The following SNX29 variants were observed in gnomAD, a reference collection of about 807,000 sequenced individuals.
SNX29 encodes the protein sorting nexin 29, also known as sorting nexin-29.
Under a neutral mutation model 102.1 loss-of-function variants are expected in SNX29, and 78 were observed. The observed-to-expected ratio is 0.76, with a 90% CI of 0.64 to 0.92. The LOEUF is 0.92. SNX29 is among the 40% of genes least tolerant of loss of function. The pLI is 0.00. For synonymous variants in SNX29, 580 were observed against 414.5 expected, an observed-to-expected ratio of 1.40 and a Z score of -4.85; for missense variants, 1,280 against 1,061.7, an observed-to-expected ratio of 1.21 and a Z score of -2.86.
At chr16:12,518,854 C>T (rs540639087) in intron 19 of SNX29, among the ~76,000 whole-genome samples, 36 of 152,138 alleles carry the variant, frequency 2.4e-4, no homozygotes, top group African/African-American at 6.0e-4. Context: ...CCCACAGAGC[C>T]GGTAAATGGT....
At chr16:12,425,370 C>T (rs1250535678) in intron 18 of SNX29, among the ~76,000 whole-genome samples, 1 of 151,632 alleles carries the variant, frequency 6.6e-6, no homozygotes, top group African/African-American at 2.4e-5. Context: ...GATCAGAGTG[C>T]CCCTGAGGCC....
intron 11 of SNX29, among the ~76,000 whole-genome samples, chr16:12,106,730 C>T (rs2053267787): frequency 6.6e-6 from 1 of 151,862 alleles, no homozygotes; most frequent in Admixed American, 6.6e-5. Context: ...ATTCTCCTGC[C>T]TTGGCCTCTG....
At chr16:12,138,879 G>A (rs2054760893) in intron 13 of SNX29, among the ~76,000 whole-genome samples, 1 of 151,936 alleles carries the variant, frequency 6.6e-6, no homozygotes, top group South Asian at 2.1e-4. Context: ...AGTTTGAGTG[G>A]GGCTTTCTGT....
At chr16:12,426,209 A>T (rs2085073221) in intron 18 of SNX29, among the ~76,000 whole-genome samples, 1 of 152,106 alleles carries the variant, frequency 6.6e-6, no homozygotes, top group South Asian at 2.1e-4. Flanking sequence ...TAAGTTTATT[A>T]TTCATCTGTT....
chr16:11,995,670 C>A (rs746930590), intron 1 of SNX29, among the ~76,000 whole-genome samples: 1 of 147,492 alleles, frequency 6.8e-6, no homozygotes, highest in African/African-American at 2.5e-5. Flanking sequence ...AAAAAGACAT[C>A]GAGGATCATT....
intron 9 of SNX29, among the ~76,000 whole-genome samples, chr16:12,063,853 C>T (rs535306948): frequency 6.6e-6 from 1 of 152,030 alleles, no homozygotes; most frequent in African/African-American, 2.4e-5. Context: ...CCACCGAAGT[C>T]CTGCATTTCT....
chr16:12,108,753 C>G (rs1417866924), intron 11 of SNX29, among the ~76,000 whole-genome samples: 2 of 152,168 alleles, frequency 1.3e-5, no homozygotes, highest in Non-Finnish European at 2.9e-5. Context: ...CCTGAAGCCT[C>G]TGCTCCATCC....
chr16:12,514,725 C>CGTG (rs1235508057), intron 19 of SNX29, among the ~76,000 whole-genome samples: 4 of 151,976 alleles, frequency 2.6e-5, no homozygotes, highest in Non-Finnish European at 5.9e-5. Flanking sequence ...ATTAGCTGGG[C>CGTG]GTGGTGGCAT....
At chr16:12,121,248 T>A (rs2053959598) in intron 11 of SNX29, among the ~76,000 whole-genome samples, 1 of 152,158 alleles carries the variant, frequency 6.6e-6, no homozygotes, top group Non-Finnish European at 1.5e-5. Flanking sequence ...GAGGTGCATA[T>A]GAAGAGCAAT....
intron 11 of SNX29, among the ~76,000 whole-genome samples, chr16:12,108,357 G>A (rs867730745): frequency 2.0e-5 from 3 of 152,202 alleles, no homozygotes; most frequent in Admixed American, 6.5e-5. Context: ...ACTCCATGAT[G>A]GTGAGTGGCT....
In SNX29 at chr16:12,524,764, C is replaced by G; in HGVS notation, c.2241C>G (p.Asn747Lys). The change falls in exon 20 of 21, where the codon AAC becomes AAG. Residue 747 changes from asparagine to lysine, a missense_variant. Asn to Lys is a moderately conservative substitution (Grantham distance 94, BLOSUM62 0). Transcript: ENST00000566228. ...AGAATTACCTGCGCAGCGTCATGAACAAAGTCATCCAGATGGTCCCCGAGT... is the reference window on the plus strand; with the variant it reads ...AGAATTACCTGCGCAGCGTCATGAAGAAAGTCATCCAGATGGTCCCCGAGT... ...QLQNYLRSVM[N>K]KVIQMVPEFA... 1.2e-6 allele frequency: 2 copies of G among 1,613,796 alleles called. No homozygotes were observed. Among genetic ancestry groups the G allele is most frequent in the African/African-American group, 1.3e-5 (1 of 74,960 alleles).
intron 14 of SNX29, among the ~76,000 whole-genome samples, chr16:12,262,594 G>A (rs1456966773): frequency 1.3e-5 from 2 of 152,198 alleles, no homozygotes; most frequent in Non-Finnish European, 2.9e-5. Flanking sequence ...CAGGCCTGTC[G>A]CGGAGTAAGA....
At chr16:12,275,536 G>A (rs1286349864) in intron 14 of SNX29, among the ~76,000 whole-genome samples, 1 of 152,116 alleles carries the variant, frequency 6.6e-6, no homozygotes, top group Non-Finnish European at 1.5e-5. Context: ...CAGTTCATTA[G>A]CGTTTTATGA....
At chr16:12,328,659 G>A (rs373995953) in intron 15 of SNX29, among the ~76,000 whole-genome samples, 6 of 152,138 alleles carry the variant, frequency 3.9e-5, no homozygotes, top group African/African-American at 7.2e-5. Context: ...GAAAAGAATC[G>A]TTCATCCTTT....
At chr16:12,131,357 C>G (rs1455502806) in intron 13 of SNX29, among the ~76,000 whole-genome samples, 1 of 152,242 alleles carries the variant, frequency 6.6e-6, no homozygotes, top group Non-Finnish European at 1.5e-5. Context: ...TCCCAACTTA[C>G]ATGCATCTTT....
intron 10 of SNX29, among the ~76,000 whole-genome samples, chr16:12,075,011 T>C (rs1242113607): frequency 6.6e-6 from 1 of 152,226 alleles, no homozygotes; most frequent in Non-Finnish European, 1.5e-5. Flanking sequence ...GGCTTTCAGC[T>C]CCATCAGCTC....
intron 19 of SNX29, among the ~76,000 whole-genome samples, chr16:12,516,123 G>T (rs2151935566): frequency 6.6e-6 from 1 of 152,284 alleles, no homozygotes; most frequent in East Asian, 1.9e-4. Flanking sequence ...AAGGCATGCT[G>T]GGAAGCCTGG....
chr16:12,119,690 A>C (rs1432784639), intron 11 of SNX29, among the ~76,000 whole-genome samples: 1 of 152,240 alleles, frequency 6.6e-6, no homozygotes, highest in Non-Finnish European at 1.5e-5. Flanking sequence ...GCCTCCCAGG[A>C]GCCGGGCTGG....
intron 13 of SNX29, among the ~76,000 whole-genome samples, chr16:12,189,939 T>G (rs1467318782): frequency 6.6e-6 from 1 of 152,124 alleles, no homozygotes; most frequent in African/African-American, 2.4e-5. Flanking sequence ...CAGTCCAACA[T>G]CACCATTGAC....
Sources: gnomAD v4.1 joint callset for allele counts (sites outside exome capture counted in the v4.1 genomes callset) on GRCh38, gnomAD v4.1.1 for gene constraint, MANE v1.5 for transcripts, NCBI Gene and HGNC (gene_info 2026-07-23, HGNC 2026-07-21) for gene names.